The following IL1RAPL2 variants were observed in gnomAD, a reference collection of about 807,000 sequenced individuals.
IL1RAPL2 encodes X-linked interleukin-1 receptor accessory protein-like 2.
A neutral mutation model predicts 44.1 loss-of-function variants in IL1RAPL2; 3 were observed. That is an observed-to-expected ratio of 0.07 (90% CI 0.03 to 0.18). IL1RAPL2 has a LOEUF of 0.18. Among genes scored for constraint, IL1RAPL2 ranks in the 10% least tolerant of loss-of-function variants. IL1RAPL2 has a pLI of 1.00. For missense variants in IL1RAPL2, 391 were observed against 496.4 expected (o/e 0.79, Z 2.02); for synonymous variants, 181 against 178.8 (o/e 1.01, Z -0.10).
chrX:105,353,214 C>G (rs2035171533), intron 5 of IL1RAPL2, among the ~76,000 whole-genome samples: 1 of 111,361 alleles, frequency 9.0e-6, no homozygotes, highest in Admixed American at 9.6e-5. Flanking sequence ...TTGTTTTTGT[C>G]AGGTTTGTCA....
chrX:105,524,698 T>G (rs1457029460), intron 6 of IL1RAPL2, among the ~76,000 whole-genome samples: 1 of 111,047 alleles, frequency 9.0e-6, no homozygotes, highest in Non-Finnish European at 1.9e-5. Flanking sequence ...TATTTTAAAA[T>G]GTTGCACTTA....
chrX:105,088,976 T>A (rs895915176), intron 2 of IL1RAPL2, among the ~76,000 whole-genome samples: 1 of 110,816 alleles, frequency 9.0e-6, no homozygotes, highest in East Asian at 2.8e-4. Flanking sequence ...GAATACTGAA[T>A]GGGGGAATAA....
intron 3 of IL1RAPL2, among the ~76,000 whole-genome samples, chrX:105,224,219 A>T (rs1276189269): frequency 9.0e-6 from 1 of 111,304 alleles, no homozygotes; most frequent in Non-Finnish European, 1.9e-5. Context: ...AGAAGTAGAC[A>T]ATCAAAAAAG....
intron 5 of IL1RAPL2, among the ~76,000 whole-genome samples, chrX:105,451,336 T>A (rs748154387): frequency 1.8e-5 from 2 of 111,523 alleles, no homozygotes; most frequent in South Asian, 7.6e-4. Context: ...CTTAGACTTA[T>A]CCCTCCTCCA....
chrX:105,275,550 A>G (rs984300344), intron 5 of IL1RAPL2, among the ~76,000 whole-genome samples: 3 of 112,165 alleles, frequency 2.7e-5, no homozygotes, highest in African/African-American at 3.2e-5. Flanking sequence ...AGTGCTGAGT[A>G]TATGATAGGT....
chrX:105,193,699 A>G (rs1006863347), intron 2 of IL1RAPL2, among the ~76,000 whole-genome samples: 1 of 111,805 alleles, frequency 8.9e-6, no homozygotes, highest in Non-Finnish European at 1.9e-5. Flanking sequence ...CTGAGAGACA[A>G]CCAGTGATCA....
At chrX:105,235,484 G>A (rs2034112517) in intron 4 of IL1RAPL2, among the ~76,000 whole-genome samples, 1 of 111,384 alleles carries the variant, frequency 9.0e-6, no homozygotes, top group Non-Finnish European at 1.9e-5. Context: ...TCCTAGGGAA[G>A]CTTAATCCCT....
chrX:104,599,003 AG>A lies in IL1RAPL2; in HGVS notation c.-20+31954del, dbSNP rs1928821121. 3.6e-5 allele frequency among the ~76,000 whole-genome samples: 4 copies of A among 112,463 alleles called. No homozygotes were observed. In the South Asian group the frequency reaches 1.5e-3, roughly 41 times the overall value. ...AATAGTGAGTAAAAGTAGATATACC[AG>A]GCAGAAGTCATTTGTAGAAGCTTGA... is the stretch of plus-strand genomic sequence containing the variant. On this transcript the variant is annotated intron_variant, in intron 1 of 10. Transcript: ENST00000372582.
At chrX:105,242,874 C>T (rs1250806007) in intron 4 of IL1RAPL2, among the ~76,000 whole-genome samples, 1 of 110,755 alleles carries the variant, frequency 9.0e-6, no homozygotes, top group Non-Finnish European at 1.9e-5. Context: ...CCAAGGCGGG[C>T]GGATCACATG....
At chrX:105,175,059 A>G (rs1448336040) in intron 2 of IL1RAPL2, among the ~76,000 whole-genome samples, 3 of 111,582 alleles carry the variant, frequency 2.7e-5, no homozygotes, top group African/African-American at 9.8e-5. Flanking sequence ...TCTGTCTTAT[A>G]AGGTTGTTGT....
chrX:105,747,480 CTGTGTGTG>C (rs1285052173), intron 8 of IL1RAPL2, among the ~76,000 whole-genome samples: 7 of 70,110 alleles, frequency 1.0e-4, no homozygotes, highest in African/African-American at 4.5e-4. Context: ...CTCTCTCTCT[CTGTGTGTG>C]TGTATGTGTG....
At chrX:104,628,990 C>T (rs1032674070) in intron 1 of IL1RAPL2, among the ~76,000 whole-genome samples, 16 of 110,937 alleles carry the variant, frequency 1.4e-4, no homozygotes, top group Middle Eastern at 4.2e-3. Context: ...TGGAGATAGA[C>T]GGGTATGGAT....
chrX:104,654,281 G>A (rs1930209741), intron 1 of IL1RAPL2, among the ~76,000 whole-genome samples: 1 of 111,407 alleles, frequency 9.0e-6, no homozygotes, highest in South Asian at 3.8e-4. Context: ...ATGCTGATCA[G>A]TCTTATGAAT....
intron 6 of IL1RAPL2, among the ~76,000 whole-genome samples, chrX:105,693,204 A>AC (rs1447142531): frequency 3.6e-5 from 4 of 112,248 alleles, no homozygotes; most frequent in African/African-American, 1.3e-4. Context: ...GGTAAAAGAG[A>AC]CATTGCAAAT....
intron 6 of IL1RAPL2, among the ~76,000 whole-genome samples, chrX:105,577,368 C>G (rs1263231187): frequency 9.0e-6 from 1 of 110,724 alleles, no homozygotes; most frequent in Admixed American, 9.7e-5. Context: ...ACTCTAAAGT[C>G]ACATCTTTGC....
chrX:104,575,684 T>C (rs769727482), intron 1 of IL1RAPL2, among the ~76,000 whole-genome samples: 1 of 112,039 alleles, frequency 8.9e-6, no homozygotes, highest in East Asian at 2.8e-4. Context: ...TGCCACTATC[T>C]ATACAGGGAA....
chrX:104,773,377 T>C (rs762491408), intron 2 of IL1RAPL2, among the ~76,000 whole-genome samples: 2 of 112,010 alleles, frequency 1.8e-5, no homozygotes, highest in Non-Finnish European at 3.8e-5. Flanking sequence ...ATTGAAATTG[T>C]TGGTAATTTT....
chrX:105,363,310 T>TATATATATATATA (rs2035267191), intron 5 of IL1RAPL2, among the ~76,000 whole-genome samples: 1 of 73,866 alleles, frequency 1.4e-5, no homozygotes, highest in Non-Finnish European at 2.5e-5. Context: ...ATATATATAA[T>TATATATATATATA]ATATATATAT....
At chrX:104,777,541 A>AATTATTATTATTATT (rs376271609) in intron 2 of IL1RAPL2, among the ~76,000 whole-genome samples, 2 of 85,317 alleles carry the variant, frequency 2.3e-5, no homozygotes, top group Middle Eastern at 5.4e-3. Flanking sequence ...CTCTGCTTTC[A>AATTATTATTATTATT]ATTATTATTA....
Sources: gnomAD v4.1 joint callset for allele counts (sites outside exome capture counted in the v4.1 genomes callset) on GRCh38, gnomAD v4.1.1 for gene constraint, MANE v1.5 for transcripts, NCBI Gene and HGNC (gene_info 2026-07-23, HGNC 2026-07-21) for gene names.